The following TTBK2 variants were observed in gnomAD, a reference collection of about 807,000 sequenced individuals.
TTBK2 encodes tau-tubulin kinase 2.
TTBK2 carries 28 observed loss-of-function variants against 110.8 expected under a neutral mutation model. The ratio of observed to expected loss-of-function variants is 0.25; its 90% CI spans 0.19 to 0.35. The LOEUF (loss-of-function observed/expected upper bound fraction) is 0.35, where lower values mean the gene tolerates loss of function less well. Among genes scored for constraint, TTBK2 ranks in the 10% least tolerant of loss-of-function variants. TTBK2 has a pLI of 1.00. For synonymous variants in TTBK2, 532 were observed against 527.3 expected (o/e 1.01, Z -0.12); for missense variants, 1,369 against 1,500.3 (o/e 0.91, Z 1.45).
chr15:42,762,656 G>C (rs2062046686), intron 13 of TTBK2, among the ~76,000 whole-genome samples: 1 of 152,142 alleles, frequency 6.6e-6, no homozygotes, highest in African/African-American at 2.4e-5. Flanking sequence ...GGTGGTGGCT[G>C]CACTGAGCCA....
intron 1 of TTBK2, among the ~76,000 whole-genome samples, chr15:42,916,528 C>T (rs1056295248): frequency 7.9e-5 from 12 of 152,240 alleles, no homozygotes; most frequent in Admixed American, 5.9e-4. Flanking sequence ...GGTTTCGCCA[C>T]GTTGGCCAGA....
chr15:42,882,812 A>G (rs1040529189), intron 1 of TTBK2, among the ~76,000 whole-genome samples: 2 of 152,204 alleles, frequency 1.3e-5, no homozygotes, highest in Non-Finnish European at 2.9e-5. Flanking sequence ...CTTCAGAGAT[A>G]AGGACATTCT....
At chr15:42,873,759 GTAGATACTTCAAGCTAGA>G (rs894728466) in intron 2 of TTBK2, among the ~76,000 whole-genome samples, 1 of 152,134 alleles carries the variant, frequency 6.6e-6, no homozygotes, top group Non-Finnish European at 1.5e-5. Flanking sequence ...GGTTGTGGGG[GTAGATACTTCAAGCTAGA>G]TACAGCAATT....
At chr15:42,783,304 A>C in intron 11 of TTBK2, 115 bp downstream of exon 11, 1 of 963,676 alleles carries the variant, frequency 1.0e-6, no homozygotes, top group Middle Eastern at 3.2e-4. Context: ...CTCAGCAAGG[A>C]GGAGCCACAA....
chr15:42,855,964 G>A (rs1893924770), intron 3 of TTBK2, among the ~76,000 whole-genome samples: 3 of 152,304 alleles, frequency 2.0e-5, no homozygotes, highest in African/African-American at 7.2e-5. Context: ...TTACAGGCGT[G>A]AGCCACCATG....
chr15:42,781,959 T>C (rs1457104792), intron 11 of TTBK2, among the ~76,000 whole-genome samples: 2 of 152,184 alleles, frequency 1.3e-5, no homozygotes, highest in Non-Finnish European at 2.9e-5. Context: ...AAATCTTTTA[T>C]ATATAGTATA....
chr15:42,919,182 A>G (rs1207869438), intron 1 of TTBK2, among the ~76,000 whole-genome samples: 3 of 152,222 alleles, frequency 2.0e-5, no homozygotes, highest in African/African-American at 7.2e-5. Flanking sequence ...CATAGATCAC[A>G]ATATAACACA....
intron 12 of TTBK2, among the ~76,000 whole-genome samples, chr15:42,776,151 T>C (rs994779499): frequency 3.3e-5 from 5 of 152,178 alleles, no homozygotes; most frequent in African/African-American, 1.2e-4. Context: ...ATGTGAAGGA[T>C]TGTTTAAAAT....
chr15:42,763,384 T>C (rs1367682063), intron 13 of TTBK2, among the ~76,000 whole-genome samples: 1 of 149,526 alleles, frequency 6.7e-6, no homozygotes, highest in African/African-American at 2.5e-5. Flanking sequence ...TGTCTAATTT[T>C]TGTGTTTTTA....
intron 1 of TTBK2, among the ~76,000 whole-genome samples, chr15:42,892,903 G>A (rs1376903501): frequency 6.6e-6 from 1 of 151,184 alleles, no homozygotes; most frequent in Non-Finnish European, 1.5e-5. Flanking sequence ...CCAGCTACCT[G>A]GGAGGCTGAG....
At chr15:42,901,343 C>T (rs564039075) in intron 1 of TTBK2, among the ~76,000 whole-genome samples, 19 of 150,000 alleles carry the variant, frequency 1.3e-4, no homozygotes, top group African/African-American at 4.7e-4. Context: ...GCCTGGGCGA[C>T]AGAGCAAGAC....
chr15:42,840,893 C>T (rs1231343845), intron 3 of TTBK2, among the ~76,000 whole-genome samples: 2 of 152,084 alleles, frequency 1.3e-5, no homozygotes, highest in Non-Finnish European at 2.9e-5. Flanking sequence ...GTGGATTAGC[C>T]CAGTGATTTT....
chr15:42,770,909 G>C (rs1352862874), intron 13 of TTBK2, among the ~76,000 whole-genome samples: 1 of 152,114 alleles, frequency 6.6e-6, no homozygotes, highest in Non-Finnish European at 1.5e-5. Flanking sequence ...GTTTATACAA[G>C]GGATCCAAAT....
At chr15:42,837,006 CAA>C (rs1288409156) in intron 4 of TTBK2, among the ~76,000 whole-genome samples, 1 of 152,084 alleles carries the variant, frequency 6.6e-6, no homozygotes, top group Non-Finnish European at 1.5e-5. Context: ...AAATGTCACA[CAA>C]AAAGTTATAT....
intron 10 of TTBK2, among the ~76,000 whole-genome samples, chr15:42,787,682 T>C (rs1455242354): frequency 6.6e-6 from 1 of 152,252 alleles, no homozygotes; most frequent in East Asian, 1.9e-4. Context: ...TGACATTATG[T>C]ACCTCCTTGT....
At chr15:42,821,783 G>A (rs747648320) in intron 6 of TTBK2, among the ~76,000 whole-genome samples, 41 of 149,758 alleles carry the variant, frequency 2.7e-4, no homozygotes, top group African/African-American at 9.6e-4. Context: ...TCCACCTCCC[G>A]GGTTCACCCC....
chr15:42,892,210 A>G (rs1462623482), intron 1 of TTBK2, among the ~76,000 whole-genome samples: 1 of 152,218 alleles, frequency 6.6e-6, no homozygotes, highest in African/African-American at 2.4e-5. Flanking sequence ...CAAGATAACA[A>G]GAATACAAAC....
chr15:42,892,253 G>T (rs1198612678), intron 1 of TTBK2, among the ~76,000 whole-genome samples: 4 of 152,104 alleles, frequency 2.6e-5, no homozygotes, highest in Admixed American at 2.6e-4. Context: ...ACAGGGCAAG[G>T]TGCCTGATTT....
chr15:42,822,935 AAAG>A (rs1892366457), intron 6 of TTBK2, among the ~76,000 whole-genome samples: 1 of 152,216 alleles, frequency 6.6e-6, no homozygotes, highest in South Asian at 2.1e-4. Flanking sequence ...ATAAATCAAG[AAAG>A]AAGAGAATGA....
Sources: allele counts gnomAD v4.1 joint callset (sites outside exome capture counted in the v4.1 genomes callset), GRCh38; gene constraint gnomAD v4.1.1; transcripts MANE v1.5; gene names NCBI Gene and HGNC (gene_info 2026-07-23, HGNC 2026-07-21).